Variants in FTO observed in about 807,000 individuals in gnomAD.
The protein encoded by FTO is alpha-ketoglutarate-dependent dioxygenase FTO.
A neutral mutation model predicts 63.9 loss-of-function variants in FTO; 47 were observed. That is an observed-to-expected ratio of 0.74 (90% confidence interval 0.58 to 0.94). The LOEUF (loss-of-function observed/expected upper bound fraction) is 0.94. Among genes scored for constraint, FTO ranks in the 40% least tolerant of loss-of-function variants. The pLI, the probability that FTO is intolerant of heterozygous loss-of-function variation, is 0.00. For synonymous variants in FTO, 207 were observed against 224.4 expected, an observed-to-expected ratio of 0.92 and a Z score of 0.69; for missense variants, 562 against 618.1, an observed-to-expected ratio of 0.91 and a Z score of 0.96.
chr16:53,921,735 C>A (rs1598996908), intron 7 of FTO, among the ~76,000 whole-genome samples: 2 of 152,052 alleles, frequency 1.3e-5, no homozygotes, highest in African/African-American at 4.8e-5. Context: ...GGTAGTATTG[C>A]TATGTGCCAT....
intron 7 of FTO, among the ~76,000 whole-genome samples, chr16:53,909,097 A>G (rs2081614217): frequency 6.6e-6 from 1 of 152,058 alleles, no homozygotes; most frequent in Non-Finnish European, 1.5e-5. Context: ...CCAGTTTGCC[A>G]TTTCCTAATT....
chr16:53,728,829 C>A (rs1467673513), intron 1 of FTO, among the ~76,000 whole-genome samples: 2 of 145,952 alleles, frequency 1.4e-5, no homozygotes, highest in Non-Finnish European at 3.0e-5. Context: ...GTGGTGTGAT[C>A]TTGGCTTATA....
chr16:53,926,934 G>A (rs1207084901), intron 7 of FTO, among the ~76,000 whole-genome samples: 1 of 152,142 alleles, frequency 6.6e-6, no homozygotes, highest in Non-Finnish European at 1.5e-5. Context: ...TCTGGTTTAG[G>A]TGGGATTTTG....
At position 54,008,614 on chromosome 16, in the gene FTO, G is replaced by A. The variant is rs1376064384; in HGVS notation, c.1364+74505G>A. 2.6e-5 allele frequency: 4 copies of A among 151,802 alleles called. 1 individual carries two copies. Among genetic ancestry groups the A allele is most frequent in the Admixed American group, 2.6e-4 (4 of 15,232 alleles). 9.4% of individuals were successfully genotyped at this position (151,802 alleles called of 1,614,324 possible). ...CACTTAATGCATCTTAATATGCCAA[G>A]TTACTGATATTGTTTGACCTATTTG... On this transcript the variant is annotated intron_variant, in intron 8 of 8. Coordinates refer to ENST00000471389, the MANE Select transcript of FTO (RefSeq NM_001080432.3).
At chr16:53,825,742 T>C (rs1668799918) in intron 2 of FTO, 122 bp from the exon 3 acceptor site, 2 of 1,091,410 alleles carry the variant, frequency 1.8e-6, no homozygotes, top group Admixed American at 1.7e-5. Context: ...GACTCCTATT[T>C]AGAAATAGCC....
intron 1 of FTO, among the ~76,000 whole-genome samples, chr16:53,749,605 A>T (rs963042524): frequency 1.3e-5 from 2 of 151,560 alleles, no homozygotes; most frequent in African/African-American, 4.8e-5. Flanking sequence ...CGCCCGGCCA[A>T]TTTTTTTGTA....
rs1056535957 is a variant in FTO, at chr16:53,802,535, T to C, written c.46-7605T>C. Among the ~76,000 whole-genome samples, 3 of 152,220 alleles carry C rather than the reference T, an allele frequency of 2.0e-5. No individual in the cohort carries two copies. In the South Asian group the frequency reaches 6.2e-4, roughly 32 times the overall value. ...TCGATTATGTTGCGTTTTAGTGTTATTTCCTCTTGATTTTTGTGATTGAAG... is the reference window on the plus strand; with the variant it reads ...TCGATTATGTTGCGTTTTAGTGTTACTTCCTCTTGATTTTTGTGATTGAAG... On this transcript the variant is annotated intron_variant, in intron 1 of 8. Transcript: ENST00000471389.
rs141735790 is a variant in FTO, at chr16:53,705,434, C to T, written c.45+1205C>T. Among the ~76,000 whole-genome samples, 269 of 152,278 alleles carry T rather than the reference C, an allele frequency of 1.8e-3. 2 individuals are homozygous for T. The Middle Eastern group carries it at 0.031, about 17-fold the overall frequency. On this transcript the variant is annotated intron_variant, in intron 1 of 8. Transcript: ENST00000471389. Reference sequence around the variant, plus strand: ...AAAGTCACTCTTCACTATACTTTATCGGGCTTCAGGGCCTTTGCACATGTC... The same window carrying T: ...AAAGTCACTCTTCACTATACTTTATTGGGCTTCAGGGCCTTTGCACATGTC...
At chr16:53,848,052 A>T (rs1302015997) in intron 4 of FTO, among the ~76,000 whole-genome samples, 1 of 152,160 alleles carries the variant, frequency 6.6e-6, no homozygotes, top group Non-Finnish European at 1.5e-5. Flanking sequence ...CAAAGTCTGC[A>T]CTTAGAATAT....
At chr16:53,837,694 C>T (rs993890299) in intron 3 of FTO, among the ~76,000 whole-genome samples, 2 of 151,544 alleles carry the variant, frequency 1.3e-5, no homozygotes, top group East Asian at 1.9e-4. Flanking sequence ...TCTTTCTTTC[C>T]TAGTGATGTA....
intron 8 of FTO, among the ~76,000 whole-genome samples, chr16:54,082,738 A>G (rs183707516): frequency 1.3e-5 from 2 of 152,300 alleles, no homozygotes; most frequent in East Asian, 3.9e-4. Flanking sequence ...TTGAGATAGG[A>G]GGGATCATTC....
At chr16:53,741,505 ATAG>A (rs1165886391) in intron 1 of FTO, among the ~76,000 whole-genome samples, 6 of 152,288 alleles carry the variant, frequency 3.9e-5, no homozygotes, top group East Asian at 3.9e-4. Context: ...AGTAATAATA[ATAG>A]TAGTAGTAGT....
At chr16:53,777,652 C>G (rs1175723429) in intron 1 of FTO, among the ~76,000 whole-genome samples, 1 of 152,138 alleles carries the variant, frequency 6.6e-6, no homozygotes, top group Non-Finnish European at 1.5e-5. Context: ...AAAAAAAGGT[C>G]ACACTCATCA....
Position 53,850,681 on chromosome 16 carries a change from A to C in FTO, c.895+6383A>C, listed in dbSNP as rs116701524. ...CAGGCATTGTGCTGGCAGATTTGAT[A>C]TATTTTTGTTTATTCCTTATTACAG... On this transcript the variant is annotated intron_variant, in intron 4 of 8. Transcript: ENST00000471389. Among the ~76,000 whole-genome samples the C allele has an allele frequency of 2.7e-3, 406 of 152,152 alleles. 1 individual carries two copies. The highest frequency in any genetic ancestry group is 9.4e-3 in the African/African-American group (391 of 41,526).
At chr16:53,783,655 G>A (rs2077652565) in intron 1 of FTO, among the ~76,000 whole-genome samples, 1 of 150,450 alleles carries the variant, frequency 6.6e-6, no homozygotes, top group Non-Finnish European at 1.5e-5. Flanking sequence ...GGGCGTGGTG[G>A]CACGTGCCTA....
intron 8 of FTO, among the ~76,000 whole-genome samples, chr16:54,067,632 C>T (rs2085764635): frequency 6.6e-6 from 1 of 152,164 alleles, no homozygotes; most frequent in Non-Finnish European, 1.5e-5. Flanking sequence ...AAATTGCTCT[C>T]TAGTGAGCCT....
chr16:54,011,027 T>G (rs1381929987), intron 8 of FTO, among the ~76,000 whole-genome samples: 3 of 152,146 alleles, frequency 2.0e-5, no homozygotes, highest in Admixed American at 6.5e-5. Flanking sequence ...GGCTGGATGG[T>G]TACATTAGAA....
intron 7 of FTO, among the ~76,000 whole-genome samples, chr16:53,919,785 G>A (rs1567437263): frequency 6.6e-6 from 1 of 152,156 alleles, no homozygotes; most frequent in Non-Finnish European, 1.5e-5. Flanking sequence ...GCTAAGCTGT[G>A]AGGAGGCAAA....
At chr16:54,014,578 G>A (rs1448512870) in intron 8 of FTO, among the ~76,000 whole-genome samples, 1 of 152,006 alleles carries the variant, frequency 6.6e-6, no homozygotes, top group South Asian at 2.1e-4. Context: ...CCAGCCTCGG[G>A]TGTTCCTTCA....
Sources: gnomAD v4.1 joint callset for allele counts (sites outside exome capture counted in the v4.1 genomes callset) on GRCh38, gnomAD v4.1.1 for gene constraint, MANE v1.5 for transcripts, NCBI Gene and HGNC (gene_info 2026-07-23, HGNC 2026-07-21) for gene names.